The following ZNF423 variants were observed in gnomAD, a reference collection of about 807,000 sequenced individuals.
ZNF423 encodes the protein Ebf-associated zinc finger protein.
A neutral mutation model predicts 95.8 loss-of-function variants in ZNF423; 12 were observed. The observed-to-expected ratio is 0.13, with a 90% CI of 0.08 to 0.20. The LOEUF is 0.20. Ranked by LOEUF, ZNF423 falls within the 10% of genes least tolerant of loss-of-function variation. The pLI is 1.00. For missense variants in ZNF423, 1,316 were observed against 1,737.1 expected (o/e 0.76, Z 4.31); for synonymous variants, 749 against 711.9 (o/e 1.05, Z -0.83).
chr16:49,724,114 G>C (rs2032941817), intron 3 of ZNF423, among the ~76,000 whole-genome samples: 1 of 152,182 alleles, frequency 6.6e-6, no homozygotes, highest in Non-Finnish European at 1.5e-5. Flanking sequence ...GCATATTTAT[G>C]ATACTGAATC....
intron 7 of ZNF423, among the ~76,000 whole-genome samples, chr16:49,498,867 C>T (rs1391878148): frequency 3.9e-5 from 6 of 152,154 alleles, no homozygotes; most frequent in South Asian, 2.1e-4. Context: ...CTCATATGTT[C>T]GCTAGTTTGC....
At chr16:49,588,734 T>C (rs1482650087) in intron 5 of ZNF423, among the ~76,000 whole-genome samples, 1 of 152,248 alleles carries the variant, frequency 6.6e-6, no homozygotes, top group African/African-American at 2.4e-5. Flanking sequence ...ACAAATCCTA[T>C]ATCTTTTAAA....
At chr16:49,842,309 G>GAGGGGAGGGGAGGGGAGGGA (rs1555489897) in intron 1 of ZNF423, among the ~76,000 whole-genome samples, 10 of 20,378 alleles carry the variant, frequency 4.9e-4, no homozygotes, top group Non-Finnish European at 7.0e-4. Flanking sequence ...GAGGGGAGGC[G>GAGGGGAGGGGAGGGGAGGGA]AGGGAAGGGA....
chr16:49,784,949 CAAAA>C (rs527345600), intron 2 of ZNF423, among the ~76,000 whole-genome samples: 1 of 62,920 alleles, frequency 1.6e-5, no homozygotes, highest in Non-Finnish European at 3.4e-5. Flanking sequence ...GACTCTGTCT[CAAAA>C]AAAAAAAAAA....
intron 3 of ZNF423, among the ~76,000 whole-genome samples, chr16:49,721,437 G>A (rs1412999791): frequency 6.6e-6 from 1 of 152,138 alleles, no homozygotes; most frequent in African/African-American, 2.4e-5. Context: ...CAGCAGGCTG[G>A]ACCCAGACCA....
chr16:49,696,547 C>T (rs2031978777), intron 3 of ZNF423, among the ~76,000 whole-genome samples: 1 of 152,162 alleles, frequency 6.6e-6, no homozygotes, highest in South Asian at 2.1e-4. Context: ...CCAGGCCCGC[C>T]AGGCCTGGCT....
rs115997131 is a variant in ZNF423 at position 49,642,095 on chromosome 16, A to G, written c.302-3221T>C. On this transcript the variant is annotated intron_variant, in intron 3 of 7. Coordinates refer to ENST00000563137, the MANE Select transcript of ZNF423 (RefSeq NM_001379286.1). ...AGTGCCACAAGTGCTAACAATATTA[A>G]CAGCTCCATTTATTGAGAATGTCCC... 5.1e-3 allele frequency among the ~76,000 whole-genome samples: 784 copies of G among 152,384 alleles called. 9 individuals carry two copies. Among genetic ancestry groups the G allele is most frequent in the African/African-American group, 0.018 (762 of 41,594 alleles).
chr16:49,657,840 T>C (rs555564971), intron 3 of ZNF423, among the ~76,000 whole-genome samples: 66 of 152,304 alleles, frequency 4.3e-4, no homozygotes, highest in Middle Eastern at 3.4e-3. Context: ...CTGCCACAGA[T>C]GGTGGTGTCA....
intron 2 of ZNF423, among the ~76,000 whole-genome samples, chr16:49,733,439 C>T (rs2033215627): frequency 6.6e-6 from 1 of 152,244 alleles, no homozygotes; most frequent in African/African-American, 2.4e-5. Flanking sequence ...ACTGGAACCA[C>T]AAACATCACA....
chr16:49,836,423 G>A (rs2035121057), intron 1 of ZNF423, among the ~76,000 whole-genome samples: 1 of 152,052 alleles, frequency 6.6e-6, no homozygotes, highest in African/African-American at 2.4e-5. Flanking sequence ...GGGGATCAAG[G>A]TGTTGTCAGC....
chr16:49,583,602 T>C (rs902783654), intron 5 of ZNF423, among the ~76,000 whole-genome samples: 1 of 152,192 alleles, frequency 6.6e-6, no homozygotes, highest in African/African-American at 2.4e-5. Context: ...CACATATATA[T>C]ATACACATAC....
At chr16:49,628,675 G>T (rs1262937149) in intron 4 of ZNF423, among the ~76,000 whole-genome samples, 5 of 152,224 alleles carry the variant, frequency 3.3e-5, no homozygotes, top group Admixed American at 6.5e-5. Flanking sequence ...GTGTTCAAGG[G>T]TGGCTAAGGA....
intron 5 of ZNF423, among the ~76,000 whole-genome samples, chr16:49,547,028 A>T (rs891807031): frequency 2.0e-5 from 3 of 150,650 alleles, no homozygotes; most frequent in Middle Eastern, 3.2e-3. Context: ...AAAAAAAAAC[A>T]ATCAGCCAGC....
At chr16:49,757,080 C>T (rs763153850) in intron 2 of ZNF423, among the ~76,000 whole-genome samples, 3 of 152,208 alleles carry the variant, frequency 2.0e-5, no homozygotes, top group African/African-American at 4.8e-5. Flanking sequence ...TTACTTGTCA[C>T]GATGCACAAT....
rs982730059 is a variant in ZNF423 at position 49,525,364 on chromosome 16, T to G, written c.3732A>C (p.Thr1244=). 6 of 1,613,864 alleles carry G rather than the reference T, an allele frequency of 3.7e-6. No homozygotes were observed. In the African/African-American group the frequency reaches 8.0e-5, roughly 22 times the overall value. Reference sequence around the variant, plus strand: ...AGGGGCACAAGCTGGGTACCTTACCTGTGAAACACACGGGGCATTTGAAGG... The same window carrying G: ...AGGGGCACAAGCTGGGTACCTTACCGGTGAAACACACGGGGCATTTGAAGG... ...GGTFKCPVCF[T]VFVQANKLQQ... Residue 1244 remains threonine, a splice_region_variant and synonymous_variant, in exon 6 of 8, where the codon ACA becomes ACC. Transcript: ENST00000563137.
intron 5 of ZNF423, among the ~76,000 whole-genome samples, chr16:49,545,882 G>A (rs1397498092): frequency 3.3e-5 from 5 of 152,194 alleles, no homozygotes; most frequent in South Asian, 4.1e-4. Flanking sequence ...TCTACGAGGA[G>A]GTCATGATCT....
chr16:49,688,067 T>C (rs1299710165), intron 3 of ZNF423, among the ~76,000 whole-genome samples: 1 of 143,926 alleles, frequency 6.9e-6, no homozygotes, highest in Non-Finnish European at 1.5e-5. Flanking sequence ...TTTTTTTTTT[T>C]TTTCGCAAGT....
intron 2 of ZNF423, among the ~76,000 whole-genome samples, chr16:49,734,771 G>A (rs903383973): frequency 1.1e-4 from 16 of 152,206 alleles, no homozygotes; most frequent in African/African-American, 3.4e-4. Flanking sequence ...TGCTTTCCAC[G>A]ATGGACAACT....
intron 1 of ZNF423, among the ~76,000 whole-genome samples, chr16:49,825,360 T>G (rs1415887182): frequency 6.6e-6 from 1 of 152,144 alleles, no homozygotes; most frequent in Non-Finnish European, 1.5e-5. Context: ...AAAAAGAAAT[T>G]TTCTATTTAA....
Sources: allele counts gnomAD v4.1 joint callset (sites outside exome capture counted in the v4.1 genomes callset), GRCh38; gene constraint gnomAD v4.1.1; transcripts MANE v1.5; gene names NCBI Gene and HGNC (gene_info 2026-07-23, HGNC 2026-07-21).